The following USP32 variants were observed in gnomAD, a reference collection of about 807,000 sequenced individuals.
USP32 encodes ubiquitin carboxyl-terminal hydrolase 32.
A neutral mutation model predicts 204.8 loss-of-function variants in USP32; 59 were observed. The ratio of observed to expected loss-of-function variants is 0.29; its 90% confidence interval spans 0.23 to 0.36. The LOEUF (loss-of-function observed/expected upper bound fraction) is 0.36, where lower values mean the gene tolerates loss of function less well. Ranked by LOEUF, USP32 falls within the 10% of genes least tolerant of loss-of-function variation. USP32 has a pLI of 1.00. For missense variants in USP32, 1,160 were observed against 1,946.4 expected (o/e 0.60, Z 7.60); for synonymous variants, 517 against 678.4 (o/e 0.76, Z 3.70).
intron 11 of USP32, among the ~76,000 whole-genome samples, chr17:60,240,730 T>C (rs1034998498): frequency 6.6e-6 from 1 of 152,188 alleles, no homozygotes; most frequent in Non-Finnish European, 1.5e-5. Flanking sequence ...AATTACCCAA[T>C]GTACAGTGTG....
chr17:60,275,814 C>T (rs1007222807), intron 5 of USP32, among the ~76,000 whole-genome samples: 7 of 151,526 alleles, frequency 4.6e-5, no homozygotes, highest in East Asian at 3.9e-4. Context: ...TAGGTTCTAG[C>T]GATTCTCCTG....
At chr17:60,240,979 C>A (rs185436782) in intron 11 of USP32, among the ~76,000 whole-genome samples, 1 of 152,068 alleles carries the variant, frequency 6.6e-6, no homozygotes, top group Non-Finnish European at 1.5e-5. Context: ...TAGCCCCAGA[C>A]GGTTTAGACA....
In USP32 at chr17:60,185,547, C is replaced by T. The variant is rs762152475; in HGVS notation, c.3747G>A (p.Gly1249=). ...LRAFTSEEEL[G]ENEMYYCSKC... ...TGGAACAGTAGTACATCTCATTTTC[C>T]CCTAGCTCTTCCTCACTGGTGAAAG... Residue 1249 remains glycine (G), a synonymous_variant, in exon 30 of 34, where the codon GGG becomes GGA. Coordinates refer to ENST00000300896, the MANE Select transcript of USP32 (RefSeq NM_032582.4). 6 of 1,611,954 alleles carry T rather than the reference C, an allele frequency of 3.7e-6. No individual in the cohort carries two copies. The South Asian group carries it at 6.6e-5, about 18-fold the overall frequency.
At position 60,366,747 on chromosome 17, in the gene USP32, GT is replaced by G. The variant is rs370187966; in HGVS notation, c.59-21140del. 7.2e-3 allele frequency among the ~76,000 whole-genome samples: 1,044 copies of G among 145,052 alleles called. 6 individuals are homozygous for G. Among genetic ancestry groups the G allele is most frequent in the African/African-American group, 0.018 (696 of 39,752 alleles). On this transcript the variant is annotated intron_variant, in intron 1 of 33. Transcript: ENST00000300896. ...AAGACATCGTCTCAAAAAAAAGTTGGTTTTTTTTTTTTCATGCTGCTTTTCT... is the reference window on the plus strand; with the variant it reads ...AAGACATCGTCTCAAAAAAAAGTTGGTTTTTTTTTTTCATGCTGCTTTTCT...
intron 5 of USP32, among the ~76,000 whole-genome samples, chr17:60,273,961 CAAAAAA>C (rs35639109): frequency 1.7e-4 from 7 of 42,326 alleles, no homozygotes; most frequent in African/African-American, 4.9e-4. Context: ...GACTCAGTCT[CAAAAAA>C]AAAAAAAAAA....
At chr17:60,328,970 A>G (rs1240327426) in intron 2 of USP32, among the ~76,000 whole-genome samples, 1 of 152,186 alleles carries the variant, frequency 6.6e-6, no homozygotes, top group Non-Finnish European at 1.5e-5. Flanking sequence ...CCTTGGAGGC[A>G]TGAGATCCAG....
chr17:60,180,425 A>T (rs575556822), intron 33 of USP32, 120 bp downstream of exon 33: 1 of 1,137,134 alleles, frequency 8.8e-7, no homozygotes, highest in African/African-American at 1.5e-5. Flanking sequence ...GCATCTATAT[A>T]TTGATTCTAA....
chr17:60,387,438 T>C (rs1322305876), intron 1 of USP32, among the ~76,000 whole-genome samples: 2 of 152,240 alleles, frequency 1.3e-5, no homozygotes, highest in Non-Finnish European at 2.9e-5. Flanking sequence ...CTAGCAGCAC[T>C]TCTAGGCCAT....
intron 5 of USP32, among the ~76,000 whole-genome samples, chr17:60,284,388 AT>A (rs933909584): frequency 1.6e-3 from 222 of 139,148 alleles, no homozygotes; most frequent in Admixed American, 1.7e-3. Flanking sequence ...TAATTTTTGT[AT>A]TTTTTTTTTT....
At chr17:60,421,719 A>C (rs2090117634) in intron 1 of USP32, 2 of 796,318 alleles carry the variant, frequency 2.5e-6, no homozygotes, top group South Asian at 1.1e-4. Flanking sequence ...CTGCCCGGCC[A>C]ACTCAGACTA....
chr17:60,249,850 A>C, intron 11 of USP32: 2 of 636,976 alleles, frequency 3.1e-6, no homozygotes, highest in Non-Finnish European at 5.6e-6. Context: ...AAATCACGAT[A>C]CTTTTTTTTT....
intron 2 of USP32, among the ~76,000 whole-genome samples, chr17:60,325,452 A>G (rs1032754349): frequency 1.3e-5 from 2 of 152,070 alleles, no homozygotes; most frequent in South Asian, 2.1e-4. Context: ...AAAGAAAACT[A>G]TATCATAGTA....
At chr17:60,260,825 G>T (rs1048444177) in intron 9 of USP32, among the ~76,000 whole-genome samples, 3 of 151,964 alleles carry the variant, frequency 2.0e-5, no homozygotes, top group African/African-American at 7.3e-5. Flanking sequence ...TCCTACACTT[G>T]ATAGTAGTCA....
intron 1 of USP32, among the ~76,000 whole-genome samples, chr17:60,387,852 TATTA>T (rs1458127409): frequency 6.6e-6 from 1 of 152,198 alleles, no homozygotes; most frequent in Non-Finnish European, 1.5e-5. Context: ...TCATGTAATT[TATTA>T]GTGTACTGAA....
At chr17:60,264,110 CTAAA>C (rs2086524679) in intron 9 of USP32, among the ~76,000 whole-genome samples, 1 of 151,976 alleles carries the variant, frequency 6.6e-6, no homozygotes, top group Non-Finnish European at 1.5e-5. Flanking sequence ...TGTTACCAAA[CTAAA>C]TAAGTCAAGG....
At chr17:60,398,395 A>AAAAAAAG (rs947791245) in intron 1 of USP32, among the ~76,000 whole-genome samples, 2 of 151,700 alleles carry the variant, frequency 1.3e-5, no homozygotes, top group Non-Finnish European at 2.9e-5. Flanking sequence ...ACCTTGCCTC[A>AAAAAAAG]AAAAAAGAAA....
chr17:60,207,026 T>A lies in USP32; in HGVS notation c.3032A>T (p.Gln1011Leu), dbSNP rs1193118870. ...GAGTTCTAGTTCTATCTTACCTGTC[T>A]GTGTTGGACTAGAAGCTGAAATTGG... is the stretch of plus-strand genomic sequence containing the variant. ...VSPISASSPT[Q>L]TDFSSSPSTN... Residue 1011 changes from glutamine to leucine, a missense_variant, in exon 25 of 34, where the codon CAG (glutamine) becomes CTG (leucine). Gln to Leu is a moderately radical substitution (Grantham distance 113, BLOSUM62 -2). This residue lies in a region of USP32 where 47 missense variants were observed against 71.1 expected (regional missense o/e 0.66). Coordinates refer to ENST00000300896, the MANE Select transcript of USP32 (RefSeq NM_032582.4). The A allele has an allele frequency of 6.2e-7, 1 of 1,612,376 alleles. No individual in the cohort carries two copies. Among genetic ancestry groups the A allele is most frequent in the Non-Finnish European group, 8.5e-7 (1 of 1,178,988 alleles).
chr17:60,297,544 A>G (rs1309006033), intron 3 of USP32, among the ~76,000 whole-genome samples: 1 of 150,724 alleles, frequency 6.6e-6, no homozygotes, highest in African/African-American at 2.4e-5. Context: ...CACCTCCTGG[A>G]TTCAAGCAAT....
chr17:60,181,231 C>T, intron 32 of USP32, 93 bp downstream of exon 32: 1 of 1,470,180 alleles, frequency 6.8e-7, no homozygotes, highest in Non-Finnish European at 9.2e-7. Context: ...AGGAAATAAG[C>T]AGGACCTGAA....
Sources: gnomAD v4.1 joint callset for allele counts (sites outside exome capture counted in the v4.1 genomes callset) on GRCh38, gnomAD v4.1.1 for gene constraint, gnomAD v4.1.1 regional missense constraint, MANE v1.5 for transcripts, NCBI Gene and HGNC (gene_info 2026-07-23, HGNC 2026-07-21) for gene names.